Variants in XPR1 observed in about 807,000 individuals in gnomAD.
XPR1 encodes the protein xenotropic and polytropic retrovirus receptor 1.
Under a neutral mutation model 87.5 loss-of-function variants are expected in XPR1, and 28 were observed. That is an observed-to-expected ratio of 0.32 (90% CI 0.24 to 0.44). The LOEUF (loss-of-function observed/expected upper bound fraction) is 0.44. Among genes scored for constraint, XPR1 ranks in the 20% least tolerant of loss-of-function variants. The pLI is 1.00. For synonymous variants in XPR1, 300 were observed against 306.1 expected (o/e 0.98, Z 0.21); for missense variants, 559 against 862.3 (o/e 0.65, Z 4.41).
intron 2 of XPR1, among the ~76,000 whole-genome samples, chr1:180,683,010 T>G (rs966398679): frequency 6.6e-6 from 1 of 152,114 alleles, no homozygotes; most frequent in African/African-American, 2.4e-5. Flanking sequence ...TTAGGGTACA[T>G]GTGCACAATG....
intron 2 of XPR1, among the ~76,000 whole-genome samples, chr1:180,759,611 A>T (rs1428026225): frequency 5.3e-5 from 8 of 152,278 alleles, no homozygotes; most frequent in Admixed American, 4.6e-4. Flanking sequence ...TCTGAAATTG[A>T]GGCAATAATC....
chr1:180,649,725 G>T (rs1170767617), intron 1 of XPR1, among the ~76,000 whole-genome samples: 1 of 152,182 alleles, frequency 6.6e-6, no homozygotes. Context: ...TTCAATCTGT[G>T]TTTCTCATCT....
intron 2 of XPR1, among the ~76,000 whole-genome samples, chr1:180,748,400 C>CTTTTTTTTTTTATTTTTT (rs1647362833): frequency 3.4e-5 from 1 of 29,650 alleles, no homozygotes; most frequent in African/African-American, 9.3e-5. Flanking sequence ...TTATTTATGT[C>CTTTTTTTTTTTATTTTTT]TTTTTTTTTT....
rs73040964 is a variant in XPR1 at position 180,803,209 on chromosome 1, G to C, written c.224-179G>C. ...GAAAGGGTACATGAGGTTTTATGGG[G>C]GGTAAAATGAAAGGAGAGTGTTACA... On this transcript the variant is annotated intron_variant, in intron 3 of 14. Transcript: ENST00000367590. Among the ~76,000 whole-genome samples, 2,553 of 152,178 alleles carry C rather than the reference G, an allele frequency of 0.017. 79 individuals are homozygous for C. The highest frequency in any genetic ancestry group is 0.056 in the African/African-American group (2,340 of 41,496).
intron 2 of XPR1, among the ~76,000 whole-genome samples, chr1:180,745,571 A>G (rs1267646101): frequency 2.0e-5 from 3 of 152,128 alleles, no homozygotes; most frequent in Non-Finnish European, 4.4e-5. Context: ...TTTGGGTGCA[A>G]GAGAATGGAT....
chr1:180,652,833 T>C (rs79901814), intron 1 of XPR1, among the ~76,000 whole-genome samples: 5,211 of 152,274 alleles, frequency 0.034, 130 homozygotes, highest in African/African-American at 0.07. Context: ...AAACATTTAT[T>C]GTCTCACACA....
intron 2 of XPR1, among the ~76,000 whole-genome samples, chr1:180,688,361 T>A (rs1656861938): frequency 6.6e-6 from 1 of 151,974 alleles, no homozygotes; most frequent in Admixed American, 6.5e-5. Context: ...AGTGCTAGGA[T>A]TACAGGTGTG....
intron 2 of XPR1, among the ~76,000 whole-genome samples, chr1:180,769,372 GTT>G (rs1249501150): frequency 1.5e-5 from 2 of 134,410 alleles, no homozygotes; most frequent in Admixed American, 7.4e-5. Context: ...GTTTTTTTGT[GTT>G]TTTTTTTTTT....
intron 2 of XPR1, among the ~76,000 whole-genome samples, chr1:180,711,232 A>C (rs1217008528): frequency 2.6e-5 from 4 of 152,130 alleles, no homozygotes; most frequent in Non-Finnish European, 4.4e-5. Flanking sequence ...CAGAGGCTGC[A>C]ATCTCGGCAC....
chr1:180,637,852 C>T (rs906912548), intron 1 of XPR1, among the ~76,000 whole-genome samples: 2 of 152,228 alleles, frequency 1.3e-5, no homozygotes, highest in African/African-American at 4.8e-5. Context: ...CCACTCCTGG[C>T]CTAAGCTAAC....
intron 1 of XPR1, among the ~76,000 whole-genome samples, chr1:180,660,375 C>A (rs553548152): frequency 6.6e-6 from 1 of 151,780 alleles, no homozygotes; most frequent in South Asian, 2.1e-4. Context: ...TTTATTATTT[C>A]TTTTCTTCTG....
At chr1:180,854,964 G>A (rs534736222) in intron 11 of XPR1, among the ~76,000 whole-genome samples, 1 of 152,280 alleles carries the variant, frequency 6.6e-6, no homozygotes, top group African/African-American at 2.4e-5. Context: ...TTGTTGGAAG[G>A]TAAAGCATTG....
chr1:180,655,484 T>G (rs1655425676), intron 1 of XPR1, among the ~76,000 whole-genome samples: 1 of 150,348 alleles, frequency 6.7e-6, no homozygotes, highest in South Asian at 2.1e-4. Context: ...CACTGCAACC[T>G]CTGCCTCCTG....
chr1:180,765,756 G>A (rs948806604), intron 2 of XPR1, among the ~76,000 whole-genome samples: 1 of 148,586 alleles, frequency 6.7e-6, no homozygotes, highest in Non-Finnish European at 1.5e-5. Context: ...AAATATTTTC[G>A]TTCTGCAGTT....
At chr1:180,811,818 A>C (rs1488956149) in intron 7 of XPR1, among the ~76,000 whole-genome samples, 2 of 152,200 alleles carry the variant, frequency 1.3e-5, no homozygotes, top group African/African-American at 4.8e-5. Context: ...AGATGAGGAT[A>C]AATAATGTTA....
intron 2 of XPR1, among the ~76,000 whole-genome samples, chr1:180,745,616 A>G (rs1274248698): frequency 6.6e-6 from 1 of 152,170 alleles, no homozygotes. Flanking sequence ...TCCTCAGTGA[A>G]TGTTAAGAAA....
At chr1:180,723,612 A>G (rs946700087) in intron 2 of XPR1, among the ~76,000 whole-genome samples, 1 of 152,156 alleles carries the variant, frequency 6.6e-6, no homozygotes, top group Admixed American at 6.5e-5. Context: ...ATATAGTCCC[A>G]TTCAGAAAGA....
In XPR1 at chr1:180,763,148, A is replaced by C. The variant is rs569781318; in HGVS notation, c.122-24605A>C. 2.0e-5 allele frequency among the ~76,000 whole-genome samples: 3 copies of C among 152,358 alleles called. No individual in the cohort carries two copies. The East Asian group carries it at 5.8e-4, about 29-fold the overall frequency. On this transcript the variant is annotated intron_variant, in intron 2 of 14. Transcript: ENST00000367590. ...TGTTCATTAATTCACCCATGTGACC[A>C]AGGTATATTTAGATTAATGAAGAAT...
At chr1:180,653,820 G>C (rs1655366490) in intron 1 of XPR1, among the ~76,000 whole-genome samples, 1 of 152,118 alleles carries the variant, frequency 6.6e-6, no homozygotes, top group Admixed American at 6.6e-5. Flanking sequence ...TCTGGTAACT[G>C]CATTGACTAC....
Sources: allele counts gnomAD v4.1 joint callset (sites outside exome capture counted in the v4.1 genomes callset), GRCh38; gene constraint gnomAD v4.1.1; transcripts MANE v1.5; gene names NCBI Gene and HGNC (gene_info 2026-07-23, HGNC 2026-07-21).